Variants in CEP128 observed in about 807,000 individuals in gnomAD.
The protein encoded by CEP128 is centrosomal protein 128, also known as centrosomal protein 128kDa.
In CEP128, 132 loss-of-function variants were observed where a neutral mutation model predicts 156.7. The ratio of observed to expected loss-of-function variants is 0.84; its 90% CI spans 0.73 to 0.97. CEP128 has a LOEUF of 0.97. Ranked by LOEUF, CEP128 falls within the 50% of genes least tolerant of loss-of-function variation. CEP128 has a pLI of 0.00. For missense variants in CEP128, 1,252 were observed against 1,281.9 expected (o/e 0.98, Z 0.36); for synonymous variants, 469 against 448.9 (o/e 1.04, Z -0.57).
intron 19 of CEP128, among the ~76,000 whole-genome samples, chr14:80,661,980 T>A (rs1052359054): frequency 2.0e-5 from 3 of 152,168 alleles, no homozygotes; most frequent in Admixed American, 1.3e-4. Flanking sequence ...TATTAAATCT[T>A]CCATCAGCAG....
chr14:80,945,717 A>G (rs983361492), upstream of CEP128: 4 of 152,196 alleles, frequency 2.6e-5, no homozygotes, highest in African/African-American at 9.7e-5. Context: ...AGGCCGCCAT[A>G]GAGAGGTGAC....
intron 21 of CEP128, among the ~76,000 whole-genome samples, chr14:80,546,360 T>A (rs1889985108): frequency 6.6e-6 from 1 of 152,130 alleles, no homozygotes; most frequent in Non-Finnish European, 1.5e-5. Context: ...CACAATCAGG[T>A]CTTCTAACTC....
intron 24 of CEP128, 68 bp from the exon 25 acceptor site, chr14:80,497,650 T>C (rs551530113): frequency 5.6e-6 from 5 of 890,714 alleles, no homozygotes; most frequent in Non-Finnish European, 9.0e-6. Context: ...AAAATTAATT[T>C]TGCAGAAGGT....
chr14:80,921,119 G>A (rs1884835014), intron 2 of CEP128, among the ~76,000 whole-genome samples: 1 of 152,114 alleles, frequency 6.6e-6, no homozygotes, highest in African/African-American at 2.4e-5. Context: ...CGGGATAAAA[G>A]CATGAATTCC....
At chr14:80,805,611 C>T (rs1884131441) in intron 13 of CEP128, among the ~76,000 whole-genome samples, 1 of 152,102 alleles carries the variant, frequency 6.6e-6, no homozygotes, top group Non-Finnish European at 1.5e-5. Flanking sequence ...TCAAGCCATC[C>T]CCTACTCATC....
chr14:80,588,475 T>A (rs556883962), intron 19 of CEP128, among the ~76,000 whole-genome samples: 2 of 152,178 alleles, frequency 1.3e-5, no homozygotes, highest in South Asian at 4.2e-4. Flanking sequence ...GGGAAGTAAA[T>A]GATTAGAGAT....
intron 8 of CEP128, 28 bp from the exon 9 acceptor site, chr14:80,862,901 C>A: frequency 6.6e-7 from 1 of 1,510,978 alleles, no homozygotes; most frequent in Non-Finnish European, 9.2e-7. Context: ...GAAACAGCAG[C>A]ATTATAGAGC....
At chr14:80,500,790 C>A (rs1357040109) in intron 24 of CEP128, among the ~76,000 whole-genome samples, 1 of 152,104 alleles carries the variant, frequency 6.6e-6, no homozygotes, top group African/African-American at 2.4e-5. Context: ...CTTCTCCTCA[C>A]CCCATACTCC....
intron 19 of CEP128, among the ~76,000 whole-genome samples, chr14:80,711,130 G>A (rs1375654835): frequency 6.6e-6 from 1 of 151,964 alleles, no homozygotes; most frequent in Non-Finnish European, 1.5e-5. Context: ...TCTATAGATC[G>A]AGTTAAATGT....
intron 16 of CEP128, among the ~76,000 whole-genome samples, chr14:80,767,052 C>G (rs1300746063): frequency 6.6e-6 from 1 of 152,016 alleles, no homozygotes; most frequent in East Asian, 1.9e-4. Flanking sequence ...ATGAAACTAT[C>G]CTGAACAAAA....
intron 15 of CEP128, among the ~76,000 whole-genome samples, chr14:80,781,969 T>C (rs1164424342): frequency 2.0e-5 from 3 of 152,338 alleles, no homozygotes; most frequent in East Asian, 3.9e-4. Context: ...AGGAAGGTTC[T>C]AGTTTCAACA....
At chr14:80,840,540 C>T (rs1886299828) in intron 10 of CEP128, 142 bp downstream of exon 10, 4 of 537,688 alleles carry the variant, frequency 7.4e-6, no homozygotes, top group East Asian at 3.1e-5. Flanking sequence ...GTAGAAGAGC[C>T]GTTGAACCAA....
intron 16 of CEP128, among the ~76,000 whole-genome samples, chr14:80,776,552 AT>A (rs1411249597): frequency 6.8e-6 from 1 of 147,792 alleles, no homozygotes; most frequent in Non-Finnish European, 1.5e-5. Flanking sequence ...TATATATATT[AT>A]TATATATATT....
chr14:80,731,140 G>A (rs745436548), intron 19 of CEP128, among the ~76,000 whole-genome samples: 1 of 152,128 alleles, frequency 6.6e-6, no homozygotes, highest in Non-Finnish European at 1.5e-5. Flanking sequence ...AAAGTTCAGG[G>A]AAGAGGTCCC....
intron 8 of CEP128, 71 bp from the exon 9 acceptor site, chr14:80,862,944 GT>G: frequency 9.2e-7 from 1 of 1,088,708 alleles, no homozygotes. Flanking sequence ...TGAGAAGATA[GT>G]TTTATAGCAG....
intron 19 of CEP128, among the ~76,000 whole-genome samples, chr14:80,668,803 G>T (rs1015133875): frequency 6.6e-6 from 1 of 152,128 alleles, no homozygotes; most frequent in Non-Finnish European, 1.5e-5. Context: ...GGAGGGACCC[G>T]TGGGAGGTAA....
chr14:80,728,605 T>C (rs1328519120), intron 19 of CEP128, among the ~76,000 whole-genome samples: 3 of 152,198 alleles, frequency 2.0e-5, no homozygotes, highest in Non-Finnish European at 4.4e-5. Flanking sequence ...ATGGGATCTC[T>C]GTAAAAAGCA....
chr14:80,758,565 A>G (rs1899793307), intron 17 of CEP128, among the ~76,000 whole-genome samples: 1 of 151,842 alleles, frequency 6.6e-6, no homozygotes. Context: ...GTGTCAGCAC[A>G]GTGTCTGGGA....
chr14:80,592,615 T>C lies in CEP128; in HGVS notation c.2807-12192A>G, dbSNP rs188082884. Among the ~76,000 whole-genome samples, 367 of 151,774 alleles carry C rather than the reference T, an allele frequency of 2.4e-3. 1 individual carries two copies. The highest frequency in any genetic ancestry group is 8.2e-3 in the African/African-American group (341 of 41,346). The stretch of plus-strand genomic sequence containing the variant: ...TTCCTTCTGAAACTATTCCAAACAA[T>C]AGAAAAAGAGGGAATCCTCCGTAAC... On this transcript the variant is annotated intron_variant, in intron 19 of 24. Coordinates refer to ENST00000555265, the MANE Select transcript of CEP128 (RefSeq NM_152446.5).
Sources: allele counts gnomAD v4.1 joint callset (sites outside exome capture counted in the v4.1 genomes callset), GRCh38; gene constraint gnomAD v4.1.1; transcripts MANE v1.5; gene names NCBI Gene and HGNC (gene_info 2026-07-23, HGNC 2026-07-21).